VPS26C: variants seen among roughly 807,000 people sequenced by gnomAD.
VPS26C encodes VPS26 endosomal protein sorting factor C.
In VPS26C, 19 loss-of-function variants were observed where a neutral mutation model predicts 30.6. The observed-to-expected ratio is 0.62, with a 90% confidence interval of 0.43 to 0.91. The LOEUF is 0.91. VPS26C is among the 40% of genes least tolerant of loss of function. The probability of loss-of-function intolerance (pLI) is 0.00; values close to 1 mark genes in which losing one functional copy is unlikely to be tolerated. For missense variants in VPS26C, 318 were observed against 385.1 expected, an observed-to-expected ratio of 0.83 and a Z score of 1.46; for synonymous variants, 132 against 151.5, an observed-to-expected ratio of 0.87 and a Z score of 0.95.
Position 37,267,240 on chromosome 21 carries a change from C to T in VPS26C, c.55G>A (p.Gly19Arg), listed in dbSNP as rs936655079. The T allele has an allele frequency of 1.9e-6, 3 of 1,611,216 alleles. No individual in the cohort carries two copies. Among genetic ancestry groups the T allele is most frequent in the Non-Finnish European group, 2.5e-6 (3 of 1,177,740 alleles). ...CCCCACCCCCAGCCCCCACTTACCC[C>T]GGCGTGATAAACTTTATTCGCTCTT... Reference protein sequence around the residue: ...IKRANKVYHAGEVLSGVVVIS... With the variant: ...IKRANKVYHAREVLSGVVVIS... Residue 19 changes from glycine (G) to arginine (R), a missense_variant and splice_region_variant, in exon 1 of 8, where the codon GGG becomes AGG. Physicochemically the swap from Gly to Arg is moderately radical, Grantham distance 125. Coordinates refer to ENST00000309117, the MANE Select transcript of VPS26C (RefSeq NM_006052.2).
chr21:37,246,974 T>C (rs1404003674), intron 1 of VPS26C, among the ~76,000 whole-genome samples: 1 of 152,176 alleles, frequency 6.6e-6, no homozygotes, highest in Non-Finnish European at 1.5e-5. Flanking sequence ...CCCAGGCTAG[T>C]CTTGAACTCC....
intron 2 of VPS26C, among the ~76,000 whole-genome samples, chr21:37,240,023 G>A (rs1034142179): frequency 2.0e-5 from 3 of 152,104 alleles, no homozygotes; most frequent in Non-Finnish European, 4.4e-5. Context: ...CTCCATTTTC[G>A]CAGGTTGATT....
In VPS26C at chr21:37,226,738, C is replaced by T. The variant is rs1027737436; in HGVS notation, c.811+916G>A. On this transcript the variant is annotated intron_variant, in intron 7 of 7. Transcript: ENST00000309117. This position sits in a 1 kb window ranked among gnomAD's most constrained non-coding sequence, Gnocchi z 4.1. ...GCCTGACCGTGCATTTGAGGTCACT[C>T]GCACGGAATTGGAGGGGAACACACA... is the stretch of plus-strand genomic sequence containing the variant. 2.6e-5 allele frequency: 4 copies of T among 152,176 alleles called. No homozygotes were observed. The highest frequency in any genetic ancestry group is 4.1e-4 in the South Asian group (2 of 4,830). The allele number at this position is 152,176 out of a possible 1,614,324, so 9.4% of individuals were successfully genotyped here.
chr21:37,241,200 G>A (rs991480758), intron 1 of VPS26C, among the ~76,000 whole-genome samples: 1 of 152,120 alleles, frequency 6.6e-6, no homozygotes, highest in South Asian at 2.1e-4. Context: ...TGCCACCCAC[G>A]AGGCAGCAGC....
chr21:37,248,576 C>A (rs2086160417), intron 1 of VPS26C, among the ~76,000 whole-genome samples: 1 of 151,788 alleles, frequency 6.6e-6, no homozygotes, highest in Non-Finnish European at 1.5e-5. Flanking sequence ...GAAATCCAAG[C>A]AAATCAATCA....
At chr21:37,261,468 T>C (rs1327402514) in intron 1 of VPS26C, 1 of 152,160 alleles carries the variant, frequency 6.6e-6, no homozygotes, top group Admixed American at 6.5e-5. Context: ...TTCCTGACAA[T>C]TAGACTTGAC....
chr21:37,251,629 T>C (rs1253999003), intron 1 of VPS26C, among the ~76,000 whole-genome samples: 2 of 152,204 alleles, frequency 1.3e-5, no homozygotes, highest in African/African-American at 4.8e-5. Flanking sequence ...AAGCCCTTGA[T>C]GAATAGGGTG....
At chr21:37,245,226 G>A (rs115849207) in intron 1 of VPS26C, among the ~76,000 whole-genome samples, 1,561 of 152,310 alleles carry the variant, frequency 0.01, 24 homozygotes, top group African/African-American at 0.035. Flanking sequence ...AGATGAATGC[G>A]AAAGCCAGGT....
At chr21:37,227,453 C>T (rs1279094486) in intron 7 of VPS26C, 1 of 604,422 alleles carries the variant, frequency 1.7e-6, no homozygotes, top group Non-Finnish European at 2.9e-6. Flanking sequence ...GGTGTGTCCC[C>T]TGTGCGGCAC....
At position 37,236,622 on chromosome 21, in the gene VPS26C, T is replaced by A. The variant is rs115095766; in HGVS notation, c.351+1838A>T. Among the ~76,000 whole-genome samples, 553 of 152,272 alleles carry A rather than the reference T, an allele frequency of 3.6e-3. 1 individual carries two copies. Among genetic ancestry groups the A allele is most frequent in the African/African-American group, 0.012 (481 of 41,560 alleles). The stretch of plus-strand genomic sequence containing the variant: ...AACTTTAAAATGATTTAGAAAAAAA[T>A]CTAAATTTTTAGGTGAACAAAGATG... On this transcript the variant is annotated intron_variant, in intron 3 of 7. Coordinates refer to ENST00000309117, the MANE Select transcript of VPS26C (RefSeq NM_006052.2).
At chr21:37,267,465 C>CG (rs397760805), upstream of VPS26C, 10 of 617,622 alleles carry the variant, frequency 1.6e-5, no homozygotes, top group East Asian at 2.6e-4. Flanking sequence ...GGCGAATGCC[C>CG]ACGCCTTCCT....
At chr21:37,247,303 G>A (rs564377595) in intron 1 of VPS26C, among the ~76,000 whole-genome samples, 3 of 152,150 alleles carry the variant, frequency 2.0e-5, no homozygotes, top group South Asian at 2.1e-4. Flanking sequence ...AGTAAACAAC[G>A]ACGAATACTA....
intron 3 of VPS26C, among the ~76,000 whole-genome samples, chr21:37,235,513 G>T (rs983761678): frequency 6.6e-6 from 1 of 152,178 alleles, no homozygotes; most frequent in Non-Finnish European, 1.5e-5. Flanking sequence ...CTAGAAATGA[G>T]TGCTGAATAT....
Position 37,240,646 on chromosome 21 carries a change from G to A in VPS26C, c.58-7C>T, listed in dbSNP as rs1429757018. ...CCACGCCAGAGAGCACTTCCTGGGA[G>A]AGAAAAGACAGCCACCAATCAAATT... On this transcript the variant is annotated splice_polypyrimidine_tract_variant and splice_region_variant and intron_variant, in intron 1 of 7. Coordinates refer to ENST00000309117, the MANE Select transcript of VPS26C (RefSeq NM_006052.2). 6.2e-7 allele frequency: 1 copy of A among 1,609,840 alleles called. No individual in the cohort carries two copies. Among genetic ancestry groups the A allele is most frequent in the Non-Finnish European group, 8.5e-7 (1 of 1,178,630 alleles).
At chr21:37,239,759 G>A (rs559900820) in intron 2 of VPS26C, among the ~76,000 whole-genome samples, 7 of 152,024 alleles carry the variant, frequency 4.6e-5, no homozygotes, top group Admixed American at 1.3e-4. Flanking sequence ...ATCACACCCC[G>A]CTAATTTTTT....
At chr21:37,260,640 G>A (rs878951959) in intron 1 of VPS26C, among the ~76,000 whole-genome samples, 2 of 152,180 alleles carry the variant, frequency 1.3e-5, no homozygotes, top group Non-Finnish European at 1.5e-5. Context: ...TGAGCCACAG[G>A]AACTGGGATG....
chr21:37,234,264 C>T (rs1359175918), intron 3 of VPS26C, among the ~76,000 whole-genome samples: 4 of 152,232 alleles, frequency 2.6e-5, no homozygotes, highest in African/African-American at 9.6e-5. Context: ...ATGTAGCCTG[C>T]ACCTCAAAGA....
In VPS26C at chr21:37,223,643, G is replaced by T. The variant is rs2085870751; in HGVS notation, c.*1901C>A. ...TTAATGTCAGGTGAGCATAAAAGGAGATTATAAACCAGAAATGTGTTTTCT... is the reference window on the plus strand; with the variant it reads ...TTAATGTCAGGTGAGCATAAAAGGATATTATAAACCAGAAATGTGTTTTCT... On this transcript the variant is annotated 3_prime_UTR_variant, in exon 8 of 8. Coordinates refer to ENST00000309117, the MANE Select transcript of VPS26C (RefSeq NM_006052.2). 6.6e-6 allele frequency: 1 copy of T among 152,244 alleles called. No individual in the cohort carries two copies. 9.4% of individuals were successfully genotyped at this position (152,244 alleles called of 1,614,324 possible).
chr21:37,240,392 T>C, intron 2 of VPS26C, 104 bp downstream of exon 2: 1 of 1,338,992 alleles, frequency 7.5e-7, no homozygotes, highest in Non-Finnish European at 1.0e-6. Context: ...CCCAAATTAC[T>C]GAGATTACAG....
Sources: gnomAD v4.1 joint callset for allele counts (sites outside exome capture counted in the v4.1 genomes callset) on GRCh38, gnomAD v4.1.1 for gene constraint, Gnocchi (gnomAD v3.1) non-coding constraint, MANE v1.5 for transcripts, NCBI Gene and HGNC (gene_info 2026-07-23, HGNC 2026-07-21) for gene names.